FOXO1: variants seen among roughly 807,000 people sequenced by gnomAD.
The protein encoded by FOXO1 is forkhead box protein O1.
Under a neutral mutation model 44.1 loss-of-function variants are expected in FOXO1, and 6 were observed. The observed-to-expected ratio is 0.14, with a 90% CI of 0.07 to 0.27. FOXO1 has a LOEUF of 0.27. FOXO1 is among the 10% of genes least tolerant of loss of function. The pLI is 1.00. For synonymous variants in FOXO1, 380 were observed against 362.7 expected (o/e 1.05, Z -0.54); for missense variants, 737 against 888.8 (o/e 0.83, Z 2.17).
chr13:40,661,888 T>C (rs901181199), intron 1 of FOXO1, among the ~76,000 whole-genome samples: 1 of 151,996 alleles, frequency 6.6e-6, no homozygotes, highest in African/African-American at 2.4e-5. Flanking sequence ...ATAAAAAGCT[T>C]TGGGGCCAGG....
intron 1 of FOXO1, among the ~76,000 whole-genome samples, chr13:40,659,458 C>T (rs1425470081): frequency 6.6e-6 from 1 of 151,572 alleles, no homozygotes; most frequent in African/African-American, 2.4e-5. Context: ...AAACAGCTCT[C>T]CCTTGATTTT....
chr13:40,590,689 G>T (rs556965455), intron 1 of FOXO1, among the ~76,000 whole-genome samples: 1 of 152,322 alleles, frequency 6.6e-6, no homozygotes, highest in Admixed American at 6.5e-5. Flanking sequence ...GAGATGTGGA[G>T]ATATGCTGCA....
At chr13:40,648,811 G>C (rs755713951) in intron 1 of FOXO1, among the ~76,000 whole-genome samples, 2 of 152,256 alleles carry the variant, frequency 1.3e-5, no homozygotes, top group South Asian at 4.1e-4. Context: ...AAAAGCTTTA[G>C]CCTGATGAAA....
intron 1 of FOXO1, among the ~76,000 whole-genome samples, chr13:40,602,746 C>T (rs1875855474): frequency 1.3e-5 from 2 of 152,160 alleles, no homozygotes; most frequent in African/African-American, 4.8e-5. Context: ...CACTACCTGC[C>T]AATCATTTAA....
chr13:40,593,766 A>C (rs59310262), intron 1 of FOXO1, among the ~76,000 whole-genome samples: 3,549 of 152,300 alleles, frequency 0.023, 142 homozygotes, highest in African/African-American at 0.081. Context: ...TAACAAAAAA[A>C]TCAGGACTTT....
chr13:40,655,188 T>C (rs1453701418), intron 1 of FOXO1, among the ~76,000 whole-genome samples: 3 of 151,744 alleles, frequency 2.0e-5, no homozygotes, highest in Non-Finnish European at 4.4e-5. Flanking sequence ...ATACAAAAAT[T>C]AGCTAGGTGT....
chr13:40,619,724 G>T (rs1876545824), intron 1 of FOXO1: 1 of 1,015,346 alleles, frequency 9.8e-7, no homozygotes, highest in Non-Finnish European at 1.6e-6. Flanking sequence ...TCAGCTGAAG[G>T]ATCTTTCTCA....
intron 1 of FOXO1, among the ~76,000 whole-genome samples, chr13:40,598,116 T>C (rs1593393943): frequency 6.6e-6 from 1 of 152,084 alleles, no homozygotes; most frequent in Admixed American, 6.5e-5. Flanking sequence ...AAGACTGTGA[T>C]AGGCAAAACG....
chr13:40,580,485 T>C (rs1265855534), intron 1 of FOXO1, among the ~76,000 whole-genome samples: 1 of 152,152 alleles, frequency 6.6e-6, no homozygotes, highest in Non-Finnish European at 1.5e-5. Context: ...CTGAGTCACT[T>C]TACCTCTCCA....
intron 1 of FOXO1, among the ~76,000 whole-genome samples, chr13:40,653,878 C>A (rs967631220): frequency 6.6e-6 from 1 of 152,186 alleles, no homozygotes; most frequent in Non-Finnish European, 1.5e-5. Context: ...TTTCCCTCAA[C>A]ATGGATGCTT....
chr13:40,603,617 C>A (rs2137882260), intron 1 of FOXO1, among the ~76,000 whole-genome samples: 1 of 152,228 alleles, frequency 6.6e-6, no homozygotes, highest in Middle Eastern at 3.4e-3. Context: ...ATTGTCACCA[C>A]AGATTTACAA....
chr13:40,581,039 TTGAGA>T (rs1874937104), intron 1 of FOXO1, among the ~76,000 whole-genome samples: 2 of 151,868 alleles, frequency 1.3e-5, no homozygotes, highest in African/African-American at 2.4e-5. Context: ...AGAGACGGAG[TTGAGA>T]TAAGTAAGAA....
At chr13:40,632,219 C>T (rs1420810429) in intron 1 of FOXO1, among the ~76,000 whole-genome samples, 1 of 152,086 alleles carries the variant, frequency 6.6e-6, no homozygotes, top group East Asian at 1.9e-4. Context: ...AGCAGTGAGC[C>T]AGTATCACGC....
At chr13:40,619,762 G>A in intron 1 of FOXO1, 1 of 842,030 alleles carries the variant, frequency 1.2e-6, no homozygotes, top group African/African-American at 1.7e-5. Flanking sequence ...AAATGGAACT[G>A]GGGGATCAGC....
At chr13:40,649,184 T>C (rs1196162048) in intron 1 of FOXO1, among the ~76,000 whole-genome samples, 2 of 152,244 alleles carry the variant, frequency 1.3e-5, no homozygotes, top group Non-Finnish European at 2.9e-5. Context: ...AGGGGTTGTC[T>C]TCATTTCAAA....
chr13:40,567,329 TTTA>T (rs1251830436), intron 1 of FOXO1, among the ~76,000 whole-genome samples: 1 of 152,100 alleles, frequency 6.6e-6, no homozygotes, highest in African/African-American at 2.4e-5. Flanking sequence ...TATTTCATAG[TTTA>T]TTATATAAAC....
At chr13:40,637,188 A>C (rs373472231) in intron 1 of FOXO1, among the ~76,000 whole-genome samples, 1 of 152,274 alleles carries the variant, frequency 6.6e-6, no homozygotes. Context: ...TCACGTCTGT[A>C]ATCTCAGCAC....
intron 1 of FOXO1, among the ~76,000 whole-genome samples, chr13:40,613,602 G>A (rs1173942603): frequency 6.6e-6 from 1 of 152,198 alleles, no homozygotes; most frequent in African/African-American, 2.4e-5. Context: ...TGTACAGGGA[G>A]TGTGGCCAAG....
chr13:40,557,541 C>G lies in FOXO1; in HGVS notation c.*1508G>C, dbSNP rs1036471592. 4.6e-5 allele frequency: 7 copies of G among 152,190 alleles called. No individual in the cohort carries two copies. Among genetic ancestry groups the G allele is most frequent in the African/African-American group, 1.7e-4 (7 of 41,448 alleles). The allele number at this position is 152,190 out of a possible 1,614,324, so 9.4% of individuals were successfully genotyped here. On this transcript the variant is annotated 3_prime_UTR_variant, in exon 3 of 3. Transcript: ENST00000379561. ...CCATCTGAACTTATGAACACAAATTCTACAAACCACTCAAGTCCCATTTTT... is the reference window on the plus strand; with the variant it reads ...CCATCTGAACTTATGAACACAAATTGTACAAACCACTCAAGTCCCATTTTT...
Sources: gnomAD v4.1 joint callset for allele counts (sites outside exome capture counted in the v4.1 genomes callset) on GRCh38, gnomAD v4.1.1 for gene constraint, MANE v1.5 for transcripts, NCBI Gene and HGNC (gene_info 2026-07-23, HGNC 2026-07-21) for gene names.